Variants in EYA2 observed in about 807,000 individuals in gnomAD.
The protein encoded by EYA2 is EYA transcriptional coactivator and phosphatase 2.
EYA2 carries 31 observed loss-of-function variants against 69.2 expected under a neutral mutation model. The observed-to-expected ratio is 0.45, with a 90% confidence interval of 0.34 to 0.60. The LOEUF is 0.60. Among genes scored for constraint, EYA2 ranks in the 20% least tolerant of loss-of-function variants. EYA2 has a pLI of 0.02. For synonymous variants in EYA2, 257 were observed against 279.4 expected (o/e 0.92, Z 0.80); for missense variants, 622 against 701.2 (o/e 0.89, Z 1.28).
chr20:46,959,260 T>C (rs774425679), intron 1 of EYA2, among the ~76,000 whole-genome samples: 1 of 152,234 alleles, frequency 6.6e-6, no homozygotes, highest in Non-Finnish European at 1.5e-5. Context: ...GCATCTGTCA[T>C]TGTGTACATA....
At chr20:46,950,101 T>A (rs1179453025) in intron 1 of EYA2, among the ~76,000 whole-genome samples, 1 of 152,142 alleles carries the variant, frequency 6.6e-6, no homozygotes, top group Non-Finnish European at 1.5e-5. Flanking sequence ...CTCCCAGTAA[T>A]CAAAAGAGCC....
At chr20:47,055,837 C>A (rs6066184) in intron 5 of EYA2, among the ~76,000 whole-genome samples, 3,544 of 152,178 alleles carry the variant, frequency 0.023, 147 homozygotes, top group African/African-American at 0.08. Context: ...AGTAGCCCCA[C>A]TGTCCTGCAA....
At chr20:47,138,159 A>T (rs923778574) in intron 9 of EYA2, among the ~76,000 whole-genome samples, 9 of 142,814 alleles carry the variant, frequency 6.3e-5, no homozygotes, top group African/African-American at 2.4e-4. Flanking sequence ...CTAAAAATTA[A>T]AAAAAAAAAA....
rs200790427 is a variant in EYA2 at position 47,005,115 on chromosome 20, C to T, written c.298+31C>T. ...TAGTAAACAAGTCCTTACTCTCCTC[C>T]TCAGGTCCCCAAATCATGGTCTTTG... On this transcript the variant is annotated intron_variant, in intron 4 of 15. Coordinates refer to ENST00000327619, the MANE Select transcript of EYA2 (RefSeq NM_005244.5). 17 of 1,606,398 alleles carry T rather than the reference C, an allele frequency of 1.1e-5. No individual in the cohort carries two copies. In the Admixed American group the frequency reaches 2.7e-4, roughly 25 times the overall value.
In EYA2 at chr20:47,180,857, T is replaced by A. The variant is rs1241533866; in HGVS notation, c.1356T>A (p.Ile452=). The A allele has an allele frequency of 6.2e-7, 1 of 1,614,208 alleles. No homozygotes were observed. The change falls in exon 14 of 16, where the codon ATT becomes ATA. Residue 452 remains isoleucine (I), a synonymous_variant. Coordinates refer to ENST00000327619, the MANE Select transcript of EYA2 (RefSeq NM_005244.5). Reference sequence around the variant, plus strand: ...TGCTGGTCACCACCACTCAACTAATTCCTGCCCTGGCCAAAGTCCTGCTAT... The same window carrying A: ...TGCTGGTCACCACCACTCAACTAATACCTGCCCTGGCCAAAGTCCTGCTAT... The part of the protein sequence containing the change: ...VNVLVTTTQL[I]PALAKVLLYG...
chr20:46,964,004 G>A (rs1230911062), intron 1 of EYA2, among the ~76,000 whole-genome samples: 1 of 152,252 alleles, frequency 6.6e-6, no homozygotes, highest in Non-Finnish European at 1.5e-5. Flanking sequence ...ACATCAGCGG[G>A]TTATGAAATC....
chr20:47,091,166 A>G (rs555901943), intron 8 of EYA2, among the ~76,000 whole-genome samples: 5 of 152,126 alleles, frequency 3.3e-5, no homozygotes, highest in African/African-American at 1.2e-4. Context: ...CTGAGTCCCC[A>G]TGCCACCAGA....
chr20:47,119,340 G>T (rs928311438), intron 9 of EYA2, among the ~76,000 whole-genome samples: 1 of 152,176 alleles, frequency 6.6e-6, no homozygotes, highest in African/African-American at 2.4e-5. Context: ...GAACTTTCAG[G>T]CCCCTCCGAT....
At chr20:46,934,861 G>A (rs1985841512) in intron 1 of EYA2, among the ~76,000 whole-genome samples, 1 of 152,234 alleles carries the variant, frequency 6.6e-6, no homozygotes, top group African/African-American at 2.4e-5. Flanking sequence ...GGATTGAGCA[G>A]AGGCCAGATG....
intron 15 of EYA2, among the ~76,000 whole-genome samples, chr20:47,185,232 T>C (rs1396473018): frequency 6.6e-6 from 1 of 150,392 alleles, no homozygotes; most frequent in Non-Finnish European, 1.5e-5. Flanking sequence ...ACATTCTCTT[T>C]CTTCCACCTT....
At chr20:47,148,058 C>CA (rs1264883844) in intron 10 of EYA2, among the ~76,000 whole-genome samples, 1,059 of 82,728 alleles carry the variant, frequency 0.013, 25 homozygotes, top group Admixed American at 0.017. Context: ...GACTCTGTCT[C>CA]AAAAAAAAAA....
chr20:46,975,613 G>A (rs760921697), intron 1 of EYA2, among the ~76,000 whole-genome samples: 11 of 152,120 alleles, frequency 7.2e-5, no homozygotes, highest in Non-Finnish European at 1.5e-4. Flanking sequence ...TTTTACATGC[G>A]ATCAAGAATG....
In EYA2 at chr20:47,043,611, C is replaced by T. The variant is rs79754594; in HGVS notation, c.415+27314C>T. Among the ~76,000 whole-genome samples, 876 of 152,292 alleles carry T rather than the reference C, an allele frequency of 5.8e-3. 21 individuals are homozygous for T. In the East Asian group the frequency reaches 0.089, roughly 15 times the overall value. On this transcript the variant is annotated intron_variant, in intron 5 of 15. Coordinates refer to ENST00000327619, the MANE Select transcript of EYA2 (RefSeq NM_005244.5). ...TTCCTGTCACTTTCTAGCTGGGTAG[C>T]CTTGGACAAGTTTCTTAACCTCTCT... is the stretch of plus-strand genomic sequence containing the variant.
chr20:47,175,011 G>C (rs146012424), intron 12 of EYA2, among the ~76,000 whole-genome samples: 10 of 152,360 alleles, frequency 6.6e-5, no homozygotes, highest in Admixed American at 1.3e-4. Context: ...GACAGGGATG[G>C]GGTTGGCCGC....
chr20:47,044,646 A>G (rs1208302618), intron 5 of EYA2, among the ~76,000 whole-genome samples: 3 of 152,082 alleles, frequency 2.0e-5, no homozygotes, highest in African/African-American at 4.8e-5. Context: ...TTCATTTTTT[A>G]ATTCCTTCAC....
chr20:47,110,230 G>C (rs753370460), intron 9 of EYA2, among the ~76,000 whole-genome samples: 1 of 152,256 alleles, frequency 6.6e-6, no homozygotes, highest in African/African-American at 2.4e-5. Flanking sequence ...GTGGCCCACT[G>C]CTCTTTAATT....
In EYA2 at chr20:46,906,502, G is replaced by A. The variant is rs577814574; in HGVS notation, c.-11+11515G>A. On this transcript the variant is annotated intron_variant, in intron 1 of 15. Coordinates refer to ENST00000327619, the MANE Select transcript of EYA2 (RefSeq NM_005244.5). ...TCCGGGCACATCTAGTCTGTGTCTT[G>A]TATCTTTGAAAGAAGAATAACTAAC... Among the ~76,000 whole-genome samples, 18 of 152,228 alleles carry A rather than the reference G, an allele frequency of 1.2e-4. No homozygotes were observed. The South Asian group carries it at 1.9e-3, about 16-fold the overall frequency.
At chr20:47,140,811 G>A (rs1482343726) in intron 9 of EYA2, among the ~76,000 whole-genome samples, 1 of 152,122 alleles carries the variant, frequency 6.6e-6, no homozygotes, top group Non-Finnish European at 1.5e-5. Flanking sequence ...TATGATTCTG[G>A]GGATCGGCAA....
chr20:47,188,192 C>G lies in EYA2; in HGVS notation c.*59C>G, dbSNP rs925912707. On this transcript the variant is annotated 3_prime_UTR_variant, in exon 16 of 16. Transcript: ENST00000327619. ...CCTCAGACCCCCTCGCCTTCCCCACCTCCCCACCGAGAACTCCAGAGACCC... is the reference window on the plus strand; with the variant it reads ...CCTCAGACCCCCTCGCCTTCCCCACGTCCCCACCGAGAACTCCAGAGACCC... 6.7e-7 allele frequency: 1 copy of G among 1,488,594 alleles called. No individual in the cohort carries two copies. Among genetic ancestry groups the G allele is most frequent in the Non-Finnish European group, 9.1e-7 (1 of 1,103,324 alleles). The allele number at this position is 1,488,594 out of a possible 1,614,324, so 92.2% of individuals were successfully genotyped here.
Sources: allele counts gnomAD v4.1 joint callset (sites outside exome capture counted in the v4.1 genomes callset), GRCh38; gene constraint gnomAD v4.1.1; transcripts MANE v1.5; gene names NCBI Gene and HGNC (gene_info 2026-07-23, HGNC 2026-07-21).